The following TRPM3 variants were observed in gnomAD, a reference collection of about 807,000 sequenced individuals.
TRPM3 encodes transient receptor potential cation channel subfamily M member 3, also known as long transient receptor potential channel 3.
TRPM3 carries 77 observed loss-of-function variants against 181.2 expected under a neutral mutation model. The observed-to-expected ratio is 0.42, with a 90% CI of 0.35 to 0.51. The LOEUF (loss-of-function observed/expected upper bound fraction) is 0.51. Among genes scored for constraint, TRPM3 ranks in the 20% least tolerant of loss-of-function variants. The pLI is 0.01. For missense variants in TRPM3, 1,759 were observed against 2,196.7 expected, an observed-to-expected ratio of 0.80 and a Z score of 3.98; for synonymous variants, 745 against 796.4, an observed-to-expected ratio of 0.94 and a Z score of 1.09.
chr9:71,420,328 C>T (rs560479359), intron 1 of TRPM3, among the ~76,000 whole-genome samples: 20 of 151,760 alleles, frequency 1.3e-4, no homozygotes, highest in Admixed American at 3.9e-4. Context: ...TTAACCATGA[C>T]GGATTTGTCT....
At chr9:70,996,200 T>C (rs1335534864) in intron 1 of TRPM3, among the ~76,000 whole-genome samples, 1 of 152,216 alleles carries the variant, frequency 6.6e-6, no homozygotes, top group African/African-American at 2.4e-5. Flanking sequence ...CACATATTTA[T>C]AGAACCAGAA....
chr9:71,378,253 T>A (rs2092712303), intron 1 of TRPM3, among the ~76,000 whole-genome samples: 1 of 152,098 alleles, frequency 6.6e-6, no homozygotes, highest in East Asian at 1.9e-4. Context: ...TAAATCACAG[T>A]AAGCTACCAT....
intron 8 of TRPM3, among the ~76,000 whole-genome samples, chr9:70,750,226 A>G (rs2075888372): frequency 6.6e-6 from 1 of 152,206 alleles, no homozygotes; most frequent in Non-Finnish European, 1.5e-5. Flanking sequence ...TGGAAATGGC[A>G]GCAGAAGAGA....
At chr9:70,797,127 C>T (rs1473404935) in intron 6 of TRPM3, among the ~76,000 whole-genome samples, 1 of 152,004 alleles carries the variant, frequency 6.6e-6, no homozygotes, top group Non-Finnish European at 1.5e-5. Context: ...GAGATCTTGT[C>T]TCTTGAAAAA....
intron 6 of TRPM3, among the ~76,000 whole-genome samples, chr9:70,807,979 A>G (rs2091063599): frequency 6.6e-6 from 1 of 152,228 alleles, no homozygotes; most frequent in Non-Finnish European, 1.5e-5. Context: ...AATGTCAGAA[A>G]GAGACAAAAC....
At chr9:70,847,498 T>G (rs2095022569) in intron 3 of TRPM3, among the ~76,000 whole-genome samples, 1 of 143,458 alleles carries the variant, frequency 7.0e-6, no homozygotes, top group African/African-American at 2.6e-5. Context: ...AAAGCAGGAT[T>G]TGACCCTGAG....
At chr9:70,641,248 C>T (rs550142874) in intron 9 of TRPM3, among the ~76,000 whole-genome samples, 20 of 152,262 alleles carry the variant, frequency 1.3e-4, no homozygotes, top group South Asian at 1.0e-3. Context: ...ACCCTGTCCC[C>T]GACCCACTAA....
intron 1 of TRPM3, among the ~76,000 whole-genome samples, chr9:71,066,196 G>A (rs2061901510): frequency 6.6e-6 from 1 of 152,118 alleles, no homozygotes; most frequent in Non-Finnish European, 1.5e-5. Flanking sequence ...TCTATCTTCT[G>A]AAACATTCAC....
At chr9:70,563,128 T>C (rs1441679710) in intron 22 of TRPM3, among the ~76,000 whole-genome samples, 2 of 152,236 alleles carry the variant, frequency 1.3e-5, no homozygotes, top group Admixed American at 6.5e-5. Context: ...CTTCCGCCAT[T>C]ACCATAAGAG....
chr9:70,801,282 T>G (rs2088921245), intron 6 of TRPM3, among the ~76,000 whole-genome samples: 1 of 152,316 alleles, frequency 6.6e-6, no homozygotes, highest in Admixed American at 6.5e-5. Flanking sequence ...TCATTGCTTC[T>G]TGTCTTTCTG....
At chr9:70,681,130 TCA>T (rs2065321155) in intron 9 of TRPM3, among the ~76,000 whole-genome samples, 1 of 152,240 alleles carries the variant, frequency 6.6e-6, no homozygotes, top group African/African-American at 2.4e-5. Context: ...TGTATATATA[TCA>T]CACACACATA....
chr9:71,210,746 T>C (rs2131797891), intron 1 of TRPM3, among the ~76,000 whole-genome samples: 1 of 152,232 alleles, frequency 6.6e-6, no homozygotes, highest in East Asian at 1.9e-4. Context: ...ATGGATTGGA[T>C]GGCTCACACA....
chr9:70,564,295 G>A (rs1934471), intron 22 of TRPM3, among the ~76,000 whole-genome samples: 93,428 of 151,880 alleles, frequency 0.62, 29,360 homozygotes, highest in East Asian at 0.83. Context: ...TCAGATTTTT[G>A]TGTTGCTGTC....
Position 70,744,643 on chromosome 9 carries a change from G to T in TRPM3, c.1272+16958C>A, listed in dbSNP as rs940413108. On this transcript the variant is annotated intron_variant, in intron 8 of 25. Coordinates refer to ENST00000677713, the MANE Select transcript of TRPM3 (RefSeq NM_001366145.2). The stretch of plus-strand genomic sequence containing the variant: ...GAATATTTTGTGAGACTACAGGGTG[G>T]TCTGGACACTGTGCCTTCATTTTCC... 2.6e-5 allele frequency among the ~76,000 whole-genome samples: 4 copies of T among 152,106 alleles called. No homozygotes were observed. In the East Asian group the frequency reaches 5.8e-4, roughly 22 times the overall value.
At chr9:71,287,089 TATATG>T (rs1379289891) in intron 1 of TRPM3, among the ~76,000 whole-genome samples, 6 of 143,844 alleles carry the variant, frequency 4.2e-5, no homozygotes, top group African/African-American at 1.0e-4. Context: ...TAAATTATAT[TATATG>T]ATATAATATA....
At chr9:70,666,946 C>A (rs1262774314) in intron 9 of TRPM3, among the ~76,000 whole-genome samples, 1 of 151,794 alleles carries the variant, frequency 6.6e-6, no homozygotes, top group Non-Finnish European at 1.5e-5. Flanking sequence ...TCCCCCAAAA[C>A]TCTTTCTAGT....
intron 1 of TRPM3, among the ~76,000 whole-genome samples, chr9:70,927,000 T>C (rs1336623311): frequency 1.3e-5 from 2 of 152,174 alleles, no homozygotes; most frequent in Admixed American, 6.5e-5. Context: ...AAATGCACCA[T>C]ATCTAAGGAA....
intron 22 of TRPM3, among the ~76,000 whole-genome samples, chr9:70,588,144 C>T (rs1234510650): frequency 1.3e-5 from 2 of 152,194 alleles, no homozygotes. Flanking sequence ...CATTTTCTTT[C>T]CTTTGGGTTT....
chr9:70,681,992 T>C (rs1411930872), intron 8 of TRPM3, among the ~76,000 whole-genome samples: 2 of 152,148 alleles, frequency 1.3e-5, no homozygotes, highest in African/African-American at 4.8e-5. Flanking sequence ...TCCCACCACG[T>C]GAGGACACAG....
Sources: gnomAD v4.1 joint callset for allele counts (sites outside exome capture counted in the v4.1 genomes callset) on GRCh38, gnomAD v4.1.1 for gene constraint, MANE v1.5 for transcripts, NCBI Gene and HGNC (gene_info 2026-07-23, HGNC 2026-07-21) for gene names.